ADAMTSL1: variants seen among roughly 807,000 people sequenced by gnomAD.
The protein encoded by ADAMTSL1 is ADAMTS like 1.
A neutral mutation model predicts 201.8 loss-of-function variants in ADAMTSL1; 126 were observed. The ratio of observed to expected loss-of-function variants is 0.62; its 90% CI spans 0.54 to 0.72. The LOEUF (loss-of-function observed/expected upper bound fraction) is 0.72. ADAMTSL1 is among the 30% of genes least tolerant of loss of function. ADAMTSL1 has a pLI of 0.00. For synonymous variants in ADAMTSL1, 1,121 were observed against 903.4 expected (o/e 1.24, Z -4.32); for missense variants, 2,679 against 2,277.8 (o/e 1.18, Z -3.59).
At chr9:18,215,018 G>GA (rs1288052384) in intron 2 of ADAMTSL1, among the ~76,000 whole-genome samples, 7 of 151,944 alleles carry the variant, frequency 4.6e-5, no homozygotes, top group Non-Finnish European at 7.4e-5. Flanking sequence ...TGAAAAAATT[G>GA]AAAAAACAAC....
intron 2 of ADAMTSL1, among the ~76,000 whole-genome samples, chr9:18,531,672 A>G (rs1798714127): frequency 1.3e-5 from 2 of 152,220 alleles, no homozygotes; most frequent in South Asian, 4.1e-4. Context: ...TGCTATATGC[A>G]TTTCTTACAC....
At chr9:18,660,711 A>AT (rs1319615241) in intron 8 of ADAMTSL1, among the ~76,000 whole-genome samples, 1 of 152,146 alleles carries the variant, frequency 6.6e-6, no homozygotes, top group Non-Finnish European at 1.5e-5. Context: ...TTGCTACTTG[A>AT]TTTTTTTATA....
chr9:18,606,430 A>G (rs1825015884), intron 4 of ADAMTSL1, among the ~76,000 whole-genome samples: 1 of 152,178 alleles, frequency 6.6e-6, no homozygotes. Context: ...TTTTAAACAA[A>G]ATGCTCTAAA....
At chr9:18,288,564 T>A (rs1415347405) in intron 2 of ADAMTSL1, among the ~76,000 whole-genome samples, 2 of 151,898 alleles carry the variant, frequency 1.3e-5, no homozygotes, top group Non-Finnish European at 2.9e-5. Flanking sequence ...GTTCCCTTCA[T>A]TCAAACTACT....
chr9:18,770,495 G>C, intron 16 of ADAMTSL1, 107 bp from the exon 17 acceptor site: 2 of 1,171,694 alleles, frequency 1.7e-6, no homozygotes, highest in Non-Finnish European at 2.3e-6. Flanking sequence ...TCTTCTTCTG[G>C]ATTTTTTTTT....
At chr9:18,306,294 G>A (rs1303576400) in intron 2 of ADAMTSL1, among the ~76,000 whole-genome samples, 6 of 152,154 alleles carry the variant, frequency 3.9e-5, no homozygotes, top group African/African-American at 1.4e-4. Flanking sequence ...CTCCTCCAAA[G>A]GATCACAACT....
intron 3 of ADAMTSL1, among the ~76,000 whole-genome samples, chr9:18,550,769 C>T (rs1314056526): frequency 6.6e-6 from 1 of 151,796 alleles, no homozygotes; most frequent in Non-Finnish European, 1.5e-5. Flanking sequence ...ATGTTTATGG[C>T]AGCAATAGAA....
intron 1 of ADAMTSL1, among the ~76,000 whole-genome samples, chr9:17,953,291 C>A (rs191319362): frequency 9.9e-5 from 15 of 152,164 alleles, no homozygotes; most frequent in Non-Finnish European, 2.1e-4. Context: ...ACTACCCCAC[C>A]AGAAATGCTA....
At chr9:18,239,023 A>G (rs7869817) in intron 2 of ADAMTSL1, among the ~76,000 whole-genome samples, 150,455 of 152,348 alleles carry the variant, frequency 0.99, 74,324 homozygotes, top group Middle Eastern at 1. Context: ...TATTAAGTTT[A>G]TAATAGCATT....
At chr9:18,636,251 G>A (rs1827107041) in intron 6 of ADAMTSL1, among the ~76,000 whole-genome samples, 1 of 152,086 alleles carries the variant, frequency 6.6e-6, no homozygotes, top group Non-Finnish European at 1.5e-5. Context: ...TGCTCCCAAT[G>A]GGTTGTTCAT....
In ADAMTSL1 at chr9:18,658,274, G is replaced by T. The variant is rs771317119; in HGVS notation, c.946+524G>T. Among the ~76,000 whole-genome samples the T allele has an allele frequency of 2.6e-5, 4 of 151,978 alleles. No individual in the cohort carries two copies. In the East Asian group the frequency reaches 7.7e-4, roughly 29 times the overall value. ...CAGGCGTGAGCCACCGTGCCCGACC[G>T]AGGAAACAGTCTTTACTTCTCTCCT... On this transcript the variant is annotated intron_variant, in intron 8 of 28. Coordinates refer to ENST00000380548, the MANE Select transcript of ADAMTSL1 (RefSeq NM_001040272.6).
At chr9:18,514,169 G>C (rs1203670582) in intron 2 of ADAMTSL1, among the ~76,000 whole-genome samples, 1 of 151,960 alleles carries the variant, frequency 6.6e-6, no homozygotes, top group Admixed American at 6.6e-5. Context: ...ATTTCTTTCA[G>C]TAATGTTTTG....
chr9:18,560,125 G>A (rs1045893661), intron 3 of ADAMTSL1, among the ~76,000 whole-genome samples: 2 of 152,138 alleles, frequency 1.3e-5, no homozygotes, highest in African/African-American at 4.8e-5. Flanking sequence ...TGCCCATTCA[G>A]TATGATATTG....
intron 25 of ADAMTSL1, among the ~76,000 whole-genome samples, chr9:18,891,641 C>G (rs1829280950): frequency 6.6e-6 from 1 of 152,202 alleles, no homozygotes; most frequent in African/African-American, 2.4e-5. Context: ...AGGTATAAGA[C>G]CTATGGACTG....
intron 1 of ADAMTSL1, among the ~76,000 whole-genome samples, chr9:18,051,567 A>G (rs1821943391): frequency 6.6e-6 from 1 of 151,146 alleles, no homozygotes; most frequent in South Asian, 2.1e-4. Flanking sequence ...TTTTTTAAAT[A>G]CAAGGAACTC....
chr9:18,045,161 T>C (rs1169321015), intron 1 of ADAMTSL1, among the ~76,000 whole-genome samples: 2 of 152,134 alleles, frequency 1.3e-5, no homozygotes, highest in African/African-American at 4.8e-5. Context: ...CACTAACGTA[T>C]ATGAGTCTTT....
At chr9:17,948,330 ATG>A (rs1284616836) in intron 1 of ADAMTSL1, among the ~76,000 whole-genome samples, 1 of 152,250 alleles carries the variant, frequency 6.6e-6, no homozygotes, top group African/African-American at 2.4e-5. Flanking sequence ...CAAATACCAA[ATG>A]TGTGCTTCTC....
chr9:18,723,720 C>A, intron 15 of ADAMTSL1: 1 of 152,718 alleles, frequency 6.5e-6, no homozygotes, highest in South Asian at 2.1e-4. Flanking sequence ...TAGAAGGTTG[C>A]TAATTGCAAC....
chr9:18,833,849 T>C (rs1043635173), intron 23 of ADAMTSL1, among the ~76,000 whole-genome samples: 1 of 152,236 alleles, frequency 6.6e-6, no homozygotes, highest in African/African-American at 2.4e-5. Context: ...TCAATCCATC[T>C]TGAGTTAATT....
Sources: allele counts gnomAD v4.1 joint callset (sites outside exome capture counted in the v4.1 genomes callset), GRCh38; gene constraint gnomAD v4.1.1; transcripts MANE v1.5; gene names NCBI Gene and HGNC (gene_info 2026-07-23, HGNC 2026-07-21).